Variants in UNC5C observed in about 807,000 individuals in gnomAD.
The protein encoded by UNC5C is unc-5 netrin receptor C.
Under a neutral mutation model 99.8 loss-of-function variants are expected in UNC5C, and 47 were observed. That is an observed-to-expected ratio of 0.47 (90% CI 0.37 to 0.60). The LOEUF is 0.60. Among genes scored for constraint, UNC5C ranks in the 20% least tolerant of loss-of-function variants. The pLI is 0.00. For missense variants in UNC5C, 1,062 were observed against 1,165.9 expected (o/e 0.91, Z 1.30); for synonymous variants, 487 against 452.2 (o/e 1.08, Z -0.98).
At chr4:95,272,915 G>A (rs1461979137) in intron 4 of UNC5C, among the ~76,000 whole-genome samples, 1 of 152,156 alleles carries the variant, frequency 6.6e-6, no homozygotes, top group Admixed American at 6.5e-5. Flanking sequence ...AGAATGGCAA[G>A]GAAACGTGAA....
intron 3 of UNC5C, among the ~76,000 whole-genome samples, chr4:95,287,564 C>T (rs535534825): frequency 5.3e-5 from 8 of 152,330 alleles, no homozygotes; most frequent in African/African-American, 1.9e-4. Context: ...GGAACCACTA[C>T]ATTCCCTTCC....
chr4:95,339,067 T>C (rs1390928319), intron 1 of UNC5C, among the ~76,000 whole-genome samples: 3 of 152,098 alleles, frequency 2.0e-5, no homozygotes, highest in Non-Finnish European at 4.4e-5. Flanking sequence ...AAAATGAAAT[T>C]GCATCTTTAT....
At chr4:95,272,456 A>T (rs1740697172) in intron 4 of UNC5C, among the ~76,000 whole-genome samples, 1 of 152,190 alleles carries the variant, frequency 6.6e-6, no homozygotes, top group South Asian at 2.1e-4. Context: ...TGCAATTTTA[A>T]TTTGGCTTAC....
chr4:95,507,386 A>G (rs1721952475), intron 1 of UNC5C, among the ~76,000 whole-genome samples: 1 of 151,954 alleles, frequency 6.6e-6, no homozygotes, highest in African/African-American at 2.4e-5. Context: ...GTCCAAACCA[A>G]TGAGATGGTT....
intron 1 of UNC5C, among the ~76,000 whole-genome samples, chr4:95,504,283 C>T (rs1172996022): frequency 1.3e-5 from 2 of 152,040 alleles, no homozygotes; most frequent in Non-Finnish European, 2.9e-5. Flanking sequence ...AAACAGCACT[C>T]CCCTCTGAAC....
At chr4:95,429,290 A>C (rs1363211047) in intron 1 of UNC5C, among the ~76,000 whole-genome samples, 1 of 102,262 alleles carries the variant, frequency 9.8e-6, no homozygotes, top group Non-Finnish European at 2.3e-5. Flanking sequence ...TAAAAAAAAA[A>C]AAAAAAACAA....
rs543450436 is a variant in UNC5C, at chr4:95,238,721, A to G, written c.1108+3708T>C. 5.9e-5 allele frequency among the ~76,000 whole-genome samples: 9 copies of G among 152,264 alleles called. No individual in the cohort carries two copies. In the South Asian group the frequency reaches 1.9e-3, roughly 32 times the overall value. On this transcript the variant is annotated intron_variant, in intron 7 of 15. Coordinates refer to ENST00000453304, the MANE Select transcript of UNC5C (RefSeq NM_003728.4). The stretch of plus-strand genomic sequence containing the variant: ...CCATTAGTTTTATTCTCTCTTTTAC[A>G]TATTCACTTATGTATTAACAAAACT...
At chr4:95,530,755 TA>T (rs766343770) in intron 1 of UNC5C, among the ~76,000 whole-genome samples, 11 of 152,302 alleles carry the variant, frequency 7.2e-5, no homozygotes, top group African/African-American at 1.4e-4. Context: ...TTATTCTTCA[TA>T]AGTTGTATTT....
chr4:95,173,987 G>C (rs1736231274), intron 14 of UNC5C, among the ~76,000 whole-genome samples: 1 of 151,958 alleles, frequency 6.6e-6, no homozygotes, highest in Non-Finnish European at 1.5e-5. Flanking sequence ...TATGTGTTGA[G>C]GAATTTATCC....
chr4:95,477,246 A>G (rs969533655), intron 1 of UNC5C, among the ~76,000 whole-genome samples: 3 of 151,994 alleles, frequency 2.0e-5, no homozygotes, highest in Admixed American at 2.0e-4. Context: ...TGTATCATAT[A>G]TATATATAGG....
chr4:95,422,701 G>C (rs2149456831), intron 1 of UNC5C, among the ~76,000 whole-genome samples: 1 of 152,332 alleles, frequency 6.6e-6, no homozygotes, highest in Non-Finnish European at 1.5e-5. Context: ...ATCTCAGTGA[G>C]AGAATGCTCT....
At chr4:95,174,790 G>T (rs1024211891) in intron 14 of UNC5C, among the ~76,000 whole-genome samples, 3 of 145,484 alleles carry the variant, frequency 2.1e-5, no homozygotes. Flanking sequence ...TCAATTCCTG[G>T]GTATCCTTGT....
rs554096166 is a variant in UNC5C at position 95,230,044 on chromosome 4, C to T, written c.1109-9868G>A. ...CAGGCTGGTCTCGAACTCCTGACCT[C>T]AGGTGATCCACCTGCCTCAGCCTCC... is the stretch of plus-strand genomic sequence containing the variant. On this transcript the variant is annotated intron_variant, in intron 7 of 15. Transcript: ENST00000453304. 1.2e-4 allele frequency among the ~76,000 whole-genome samples: 18 copies of T among 152,114 alleles called. 1 individual carries two copies. The highest frequency in any genetic ancestry group is 3.9e-4 in the African/African-American group (16 of 41,506).
intron 1 of UNC5C, among the ~76,000 whole-genome samples, chr4:95,373,991 G>T (rs1744819013): frequency 6.6e-6 from 1 of 152,078 alleles, no homozygotes; most frequent in Non-Finnish European, 1.5e-5. Context: ...TTTGAAGAAT[G>T]GGTCTGAATT....
chr4:95,391,873 T>G (rs1745370901), intron 1 of UNC5C, among the ~76,000 whole-genome samples: 1 of 151,870 alleles, frequency 6.6e-6, no homozygotes, highest in Non-Finnish European at 1.5e-5. Context: ...GACCATGAGT[T>G]TGAGACCAGC....
chr4:95,393,985 G>A (rs191968035), intron 1 of UNC5C, among the ~76,000 whole-genome samples: 394 of 151,742 alleles, frequency 2.6e-3, no homozygotes, highest in African/African-American at 9.1e-3. Context: ...TTCTCTGATC[G>A]TTTTATTAAG....
intron 14 of UNC5C, among the ~76,000 whole-genome samples, chr4:95,181,027 C>A (rs1458953780): frequency 6.6e-6 from 1 of 152,188 alleles, no homozygotes; most frequent in Non-Finnish European, 1.5e-5. Context: ...CCCATCCACA[C>A]TCCCTCCTCT....
chr4:95,186,676 G>GTT (rs1736843646), intron 12 of UNC5C, among the ~76,000 whole-genome samples: 1 of 152,206 alleles, frequency 6.6e-6, no homozygotes, highest in Non-Finnish European at 1.5e-5. Context: ...GCGTCCTCTA[G>GTT]TTAGTATCTA....
Position 95,234,275 on chromosome 4 carries a change from GTAT to G in UNC5C, c.1108+8151_1108+8153del, listed in dbSNP as rs545721596. Among the ~76,000 whole-genome samples the G allele has an allele frequency of 6.0e-3, 916 of 151,992 alleles. 12 individuals are homozygous for G. Among genetic ancestry groups the G allele is most frequent in the African/African-American group, 0.021 (870 of 41,448 alleles). On this transcript the variant is annotated intron_variant, in intron 7 of 15. Coordinates refer to ENST00000453304, the MANE Select transcript of UNC5C (RefSeq NM_003728.4). The stretch of plus-strand genomic sequence containing the variant: ...CTGGTCTTCCAATACTGATTCTGTA[GTAT>G]TATTAAGTAAAAACTGATATTTGTT...
Sources: gnomAD v4.1 joint callset for allele counts (sites outside exome capture counted in the v4.1 genomes callset) on GRCh38, gnomAD v4.1.1 for gene constraint, MANE v1.5 for transcripts, NCBI Gene and HGNC (gene_info 2026-07-23, HGNC 2026-07-21) for gene names.